The following IQCM variants were observed in gnomAD, a reference collection of about 807,000 sequenced individuals.
The protein encoded by IQCM is IQ motif containing M.
IQCM carries 45 observed loss-of-function variants against 57.6 expected under a neutral mutation model. The ratio of observed to expected loss-of-function variants is 0.78; its 90% CI spans 0.62 to 1.00. The LOEUF (loss-of-function observed/expected upper bound fraction) is 1.00. Ranked by LOEUF, IQCM falls within the 50% of genes least tolerant of loss-of-function variation. The pLI is 0.00. For missense variants in IQCM, 468 were observed against 511.6 expected (o/e 0.91, Z 0.82); for synonymous variants, 148 against 158.9 (o/e 0.93, Z 0.51).
intron 9 of IQCM, among the ~76,000 whole-genome samples, chr4:149,577,239 G>A (rs1751745741): frequency 6.6e-6 from 1 of 151,922 alleles, no homozygotes; most frequent in South Asian, 2.1e-4. Context: ...GTTTAATTAT[G>A]ATTGATTTGC....
chr4:149,441,288 T>C (rs1034028663), intron 12 of IQCM, among the ~76,000 whole-genome samples: 1 of 152,170 alleles, frequency 6.6e-6, no homozygotes, highest in African/African-American at 2.4e-5. Context: ...GTATAATCCA[T>C]CTTGATGCAT....
At chr4:149,368,249 TG>T (rs1190561293) in intron 13 of IQCM, among the ~76,000 whole-genome samples, 1 of 152,048 alleles carries the variant, frequency 6.6e-6, no homozygotes, top group Non-Finnish European at 1.5e-5. Flanking sequence ...TTGGACTTGT[TG>T]AATTTTTTCA....
chr4:149,625,041 G>A (rs955597898), intron 7 of IQCM, among the ~76,000 whole-genome samples: 4 of 152,172 alleles, frequency 2.6e-5, no homozygotes, highest in African/African-American at 9.7e-5. Flanking sequence ...ATAGTTAGGA[G>A]ACAGAATTAG....
intron 8 of IQCM, among the ~76,000 whole-genome samples, chr4:149,615,151 G>T (rs533123963): frequency 3.2e-4 from 49 of 151,660 alleles, no homozygotes; most frequent in African/African-American, 1.2e-3. Context: ...TTTCAGCTAT[G>T]ACTACAATCC....
chr4:149,356,647 G>C (rs932665466), intron 13 of IQCM, among the ~76,000 whole-genome samples: 1 of 152,118 alleles, frequency 6.6e-6, no homozygotes, highest in African/African-American at 2.4e-5. Flanking sequence ...GGTTACTGTA[G>C]CCTTGTAGTA....
chr4:149,782,302 A>G (rs1771677073), intron 2 of IQCM, among the ~76,000 whole-genome samples: 1 of 152,230 alleles, frequency 6.6e-6, no homozygotes, highest in Non-Finnish European at 1.5e-5. Flanking sequence ...GAGGAAAAAA[A>G]GGAAAGAAAA....
At chr4:149,566,375 G>A (rs1750633059) in intron 9 of IQCM, among the ~76,000 whole-genome samples, 1 of 152,134 alleles carries the variant, frequency 6.6e-6, no homozygotes, top group African/African-American at 2.4e-5. Context: ...GTGATGGTAG[G>A]GTGATATGTA....
At chr4:149,378,645 G>C (rs979031688) in intron 13 of IQCM, among the ~76,000 whole-genome samples, 1 of 152,096 alleles carries the variant, frequency 6.6e-6, no homozygotes, top group African/African-American at 2.4e-5. Flanking sequence ...TGGTGACTTG[G>C]GTGCTGTTAA....
chr4:149,673,847 T>G, intron 7 of IQCM, among the ~76,000 whole-genome samples: 1 of 152,144 alleles, frequency 6.6e-6, no homozygotes, highest in Non-Finnish European at 1.5e-5. Context: ...TTCGCACTTA[T>G]TCCAAAAAAG....
chr4:149,733,397 G>T lies in IQCM; in HGVS notation c.232C>A (p.Gln78Lys). The change falls in exon 5 of 14, where the codon CAA (glutamine) becomes AAA (lysine). Residue 78 changes from glutamine to lysine, a missense_variant. Physicochemically the swap from Gln to Lys is moderately conservative, Grantham distance 53 (BLOSUM62 1). Transcript: ENST00000636793. ...IDKKVTRDVV[Q>K]EHRAALRRIC... is the part of the protein sequence containing the mutation. ...CTTCTGAGTGCGGCCCGATGTTCTT[G>T]CACCACATCACGTGTTACCTTTTTG... The T allele has an allele frequency of 8.1e-7, 1 of 1,231,742 alleles. No homozygotes were observed. The allele number at this position is 1,231,742 out of a possible 1,614,324, so 76.3% of individuals were successfully genotyped here.
chr4:149,632,150 G>A (rs932098272), intron 7 of IQCM, among the ~76,000 whole-genome samples: 4 of 152,306 alleles, frequency 2.6e-5, no homozygotes, highest in African/African-American at 7.2e-5. Context: ...AGAATGACTG[G>A]GGTCAGGGGA....
intron 7 of IQCM, among the ~76,000 whole-genome samples, chr4:149,651,636 T>C (rs557855832): frequency 6.6e-6 from 1 of 151,648 alleles, no homozygotes; most frequent in African/African-American, 2.4e-5. Flanking sequence ...AGTAACAAAA[T>C]GGAAAAGGTA....
At chr4:149,433,775 C>T (rs1735091274) in intron 12 of IQCM, among the ~76,000 whole-genome samples, 1 of 151,682 alleles carries the variant, frequency 6.6e-6, no homozygotes, top group Admixed American at 6.6e-5. Context: ...CGTCTTAAAC[C>T]ACTATCAGCT....
At chr4:149,411,030 T>C (rs1201081450) in intron 13 of IQCM, among the ~76,000 whole-genome samples, 1 of 152,098 alleles carries the variant, frequency 6.6e-6, no homozygotes, top group East Asian at 1.9e-4. Flanking sequence ...CTAAGAGTTG[T>C]CTTCTTTGTT....
chr4:149,542,762 GAATT>G (rs1478364296), intron 12 of IQCM, among the ~76,000 whole-genome samples: 1 of 152,002 alleles, frequency 6.6e-6, no homozygotes, highest in Non-Finnish European at 1.5e-5. Flanking sequence ...GAATATGTAA[GAATT>G]ATTTATGAAT....
At chr4:149,686,079 A>G (rs1012727736) in intron 6 of IQCM, among the ~76,000 whole-genome samples, 5 of 151,580 alleles carry the variant, frequency 3.3e-5, no homozygotes, top group African/African-American at 1.2e-4. Flanking sequence ...ATGTAATATT[A>G]TCATAAAATA....
chr4:149,420,192 T>C (rs1042572920), intron 13 of IQCM, among the ~76,000 whole-genome samples: 4 of 152,030 alleles, frequency 2.6e-5, no homozygotes. Context: ...CACATGCACA[T>C]GTATGTTCAT....
intron 2 of IQCM, among the ~76,000 whole-genome samples, chr4:149,799,038 A>ATT (rs112048641): frequency 1.4e-5 from 2 of 146,490 alleles, no homozygotes; most frequent in African/African-American, 2.5e-5. Flanking sequence ...TGCATCCTTT[A>ATT]TTTTTTTTTT....
intron 13 of IQCM, among the ~76,000 whole-genome samples, chr4:149,395,469 A>C (rs1428107302): frequency 6.6e-6 from 1 of 152,048 alleles, no homozygotes; most frequent in African/African-American, 2.4e-5. Context: ...AGAATGATTT[A>C]CATATGAGCA....
Sources: gnomAD v4.1 joint callset for allele counts (sites outside exome capture counted in the v4.1 genomes callset) on GRCh38, gnomAD v4.1.1 for gene constraint, MANE v1.5 for transcripts, NCBI Gene and HGNC (gene_info 2026-07-23, HGNC 2026-07-21) for gene names.